The following PTGER3 variants were observed in gnomAD, a reference collection of about 807,000 sequenced individuals.
PTGER3 encodes prostaglandin E2 receptor EP3 subtype.
A neutral mutation model predicts 34.7 loss-of-function variants in PTGER3; 22 were observed. The observed-to-expected ratio is 0.63, with a 90% CI of 0.45 to 0.91. The LOEUF is 0.91. PTGER3 is among the 40% of genes least tolerant of loss of function. The pLI, the probability that PTGER3 is intolerant of heterozygous loss-of-function variation, is 0.00. For missense variants in PTGER3, 468 were observed against 519.4 expected, an observed-to-expected ratio of 0.90 and a Z score of 0.96; for synonymous variants, 241 against 230.1, an observed-to-expected ratio of 1.05 and a Z score of -0.43.
chr1:70,981,594 A>G (rs1654375116), intron 2 of PTGER3, among the ~76,000 whole-genome samples: 2 of 151,658 alleles, frequency 1.3e-5, no homozygotes, highest in South Asian at 2.1e-4. Flanking sequence ...TTTTTTGTAG[A>G]GATAGGATCT....
At chr1:70,981,396 C>CTTTCTTTCT (rs1557709262) in intron 2 of PTGER3, among the ~76,000 whole-genome samples, 1 of 76,246 alleles carries the variant, frequency 1.3e-5, no homozygotes, top group Non-Finnish European at 2.5e-5. Context: ...TCTTTCTTTC[C>CTTTCTTTCT]TTCCTTCCTT....
chr1:70,985,620 A>G (rs905072653), intron 2 of PTGER3, among the ~76,000 whole-genome samples: 2 of 152,140 alleles, frequency 1.3e-5, no homozygotes, highest in African/African-American at 4.8e-5. Context: ...ACCTGTGATC[A>G]ATTAAGCAGC....
intron 4 of PTGER3, among the ~76,000 whole-genome samples, chr1:70,900,963 T>C (rs1025251590): frequency 2.0e-5 from 3 of 152,190 alleles, no homozygotes; most frequent in African/African-American, 7.2e-5. Context: ...GTCTTAGACA[T>C]ACTGCAAGGG....
At chr1:70,857,539 T>G (rs907926726) in intron 4 of PTGER3, among the ~76,000 whole-genome samples, 2 of 151,964 alleles carry the variant, frequency 1.3e-5, no homozygotes, top group Non-Finnish European at 2.9e-5. Flanking sequence ...TCTTATTTAT[T>G]TATTTATTTA....
chr1:71,016,905 T>C (rs1170282676), intron 1 of PTGER3, among the ~76,000 whole-genome samples: 1 of 152,130 alleles, frequency 6.6e-6, no homozygotes, highest in African/African-American at 2.4e-5. Flanking sequence ...CTTTGGTAAA[T>C]ATGGACAATT....
chr1:70,901,087 C>T (rs919333679), intron 4 of PTGER3, among the ~76,000 whole-genome samples: 1 of 152,130 alleles, frequency 6.6e-6, no homozygotes, highest in African/African-American at 2.4e-5. Flanking sequence ...GAAGAGAAAA[C>T]CCCTTAGTCT....
chr1:70,926,720 G>A (rs1410529168), intron 4 of PTGER3, among the ~76,000 whole-genome samples: 1 of 151,828 alleles, frequency 6.6e-6, no homozygotes, highest in African/African-American at 2.4e-5. Context: ...ACACTATGTT[G>A]AATAGGAGTG....
At chr1:71,010,063 C>A in intron 2 of PTGER3, 9 of 985,124 alleles carry the variant, frequency 9.1e-6, no homozygotes, top group Non-Finnish European at 1.1e-5. Flanking sequence ...CAAAAGCTGC[C>A]ATTCATCCCC....
intron 1 of PTGER3, among the ~76,000 whole-genome samples, chr1:71,045,269 G>A (rs1660659782): frequency 6.6e-6 from 1 of 152,072 alleles, no homozygotes; most frequent in African/African-American, 2.4e-5. Context: ...AGTATACATG[G>A]CGCACAAAAA....
chr1:71,039,689 T>G (rs1459622709), intron 1 of PTGER3, among the ~76,000 whole-genome samples: 2 of 144,320 alleles, frequency 1.4e-5, no homozygotes, highest in African/African-American at 2.6e-5. Context: ...GAAAGAAAAA[T>G]TAGGCACAGT....
chr1:70,919,278 T>A (rs1276355398), intron 4 of PTGER3, among the ~76,000 whole-genome samples: 1 of 152,166 alleles, frequency 6.6e-6, no homozygotes, highest in Admixed American at 6.6e-5. Context: ...TGCCAGTTCT[T>A]TCCTTTCTTA....
intron 1 of PTGER3, among the ~76,000 whole-genome samples, chr1:71,017,061 C>G (rs2268056): frequency 0.33 from 50,271 of 151,750 alleles, 9,033 homozygotes; most frequent in South Asian, 0.45. Flanking sequence ...ATCCATTTCT[C>G]GGTCCCTGGA....
At chr1:71,042,865 T>C (rs1454750864) in intron 1 of PTGER3, among the ~76,000 whole-genome samples, 2 of 152,180 alleles carry the variant, frequency 1.3e-5, no homozygotes, top group African/African-American at 2.4e-5. Context: ...GGGAATTCAG[T>C]GGTTCAAGAT....
chr1:70,863,242 T>C lies in PTGER3; in HGVS notation c.*24-10383A>G, dbSNP rs1445591505. Among the ~76,000 whole-genome samples the C allele has an allele frequency of 3.9e-5, 6 of 152,106 alleles. 1 individual carries two copies. The highest frequency in any genetic ancestry group is 1.4e-4 in the African/African-American group (6 of 41,412). On this transcript the variant is annotated intron_variant, in intron 4 of 4. Transcript: ENST00000370931. ...CAAGATGTGATCCGGAACAGTTCAA[T>C]ACAATTAGCAACTTCAGTTCAGATC...
At chr1:70,880,800 T>C (rs1294451461) in intron 4 of PTGER3, among the ~76,000 whole-genome samples, 1 of 152,046 alleles carries the variant, frequency 6.6e-6, no homozygotes, top group African/African-American at 2.4e-5. Context: ...GTTCCCTTTG[T>C]AGGTGACCTT....
At chr1:71,046,604 C>T in intron 1 of PTGER3, 77 bp downstream of exon 1, 1 of 1,472,560 alleles carries the variant, frequency 6.8e-7, no homozygotes, top group South Asian at 1.4e-5. Context: ...CCTGCGGGTG[C>T]TGCCACTTAG....
chr1:70,904,380 A>G (rs997329038), intron 4 of PTGER3, among the ~76,000 whole-genome samples: 3 of 152,230 alleles, frequency 2.0e-5, no homozygotes, highest in African/African-American at 7.2e-5. Flanking sequence ...ACTGGGTAAC[A>G]GGTGGAGAGG....
intron 4 of PTGER3, among the ~76,000 whole-genome samples, chr1:70,929,006 A>C (rs1366424038): frequency 2.6e-5 from 4 of 152,090 alleles, no homozygotes; most frequent in Non-Finnish European, 5.9e-5. Flanking sequence ...GTTATTTTGA[A>C]CTAAGTCCTC....
intron 1 of PTGER3, among the ~76,000 whole-genome samples, chr1:71,036,597 T>C (rs6694001): frequency 0.49 from 74,393 of 151,962 alleles, 18,561 homozygotes; most frequent in South Asian, 0.57. Context: ...TCCCAGCCCT[T>C]TGGGAGGCCG....
Sources: allele counts gnomAD v4.1 joint callset (sites outside exome capture counted in the v4.1 genomes callset), GRCh38; gene constraint gnomAD v4.1.1; transcripts MANE v1.5; gene names NCBI Gene and HGNC (gene_info 2026-07-23, HGNC 2026-07-21).